Variants in MRAP observed in about 807,000 individuals in gnomAD.
MRAP encodes melanocortin 2 receptor accessory protein, also known as melanocortin-2 receptor accessory protein.
In MRAP, 8 loss-of-function variants were observed where a neutral mutation model predicts 8.7. The observed-to-expected ratio is 0.92, with a 90% CI of 0.54 to 1.66. The LOEUF is 1.66. Among genes scored for constraint, MRAP ranks in the 40% most tolerant of loss-of-function variants. The pLI is 0.00. For synonymous variants in MRAP, 95 were observed against 95.5 expected, an observed-to-expected ratio of 1.00 and a Z score of 0.03; for missense variants, 237 against 217.1, an observed-to-expected ratio of 1.09 and a Z score of -0.58.
In MRAP at chr21:32,306,742, G is replaced by A; in HGVS notation, c.206+3G>A. On this transcript the variant is annotated splice_donor_region_variant and intron_variant, in intron 2 of 2. Coordinates refer to ENST00000303645, the MANE Select transcript of MRAP (RefSeq NM_001379228.1). Reference sequence around the variant, plus strand: ...TGGTCCGCCTCCCCGCAGATGAGGTGGGTAAGAAGGGGTGTGAGTCTGTGG... The same window carrying A: ...TGGTCCGCCTCCCCGCAGATGAGGTAGGTAAGAAGGGGTGTGAGTCTGTGG... The A allele has an allele frequency of 2.5e-6, 4 of 1,612,348 alleles. No individual in the cohort carries two copies. The highest frequency in any genetic ancestry group is 3.4e-6 in the Non-Finnish European group (4 of 1,178,384).
At chr21:32,314,527 A>G (rs1568804520), downstream of MRAP, 1 of 1,604,378 alleles carries the variant, frequency 6.2e-7, no homozygotes, top group Non-Finnish European at 8.5e-7. Context: ...CATAAAAAAA[A>G]TCTGATACCT....
At chr21:32,298,704 C>T (rs2032187345), upstream of MRAP, 1 of 429,816 alleles carries the variant, frequency 2.3e-6, no homozygotes, top group Admixed American at 3.5e-5. Flanking sequence ...AAGCCGTTCT[C>T]CTGCCTCTCT....
At chr21:32,304,875 A>G (rs2032370442) in intron 1 of MRAP, among the ~76,000 whole-genome samples, 1 of 151,674 alleles carries the variant, frequency 6.6e-6, no homozygotes, top group Non-Finnish European at 1.5e-5. Context: ...GTTGCTGATG[A>G]ATTACAAGGC....
intron 1 of MRAP, among the ~76,000 whole-genome samples, chr21:32,299,686 C>A (rs2032213502): frequency 6.6e-6 from 1 of 152,172 alleles, no homozygotes; most frequent in African/African-American, 2.4e-5. Flanking sequence ...CTCCAATAAG[C>A]TGAGCGAGTT....
intron 1 of MRAP, among the ~76,000 whole-genome samples, chr21:32,300,670 G>A (rs1249727042): frequency 2.9e-4 from 43 of 148,324 alleles, no homozygotes; most frequent in Non-Finnish European, 5.2e-4. Flanking sequence ...CACGTCCTAT[G>A]TCGGATGTGT....
Position 32,311,876 on chromosome 21 carries a change from C to T in MRAP, c.399C>T (p.Leu133=), listed in dbSNP as rs748116900. The change falls in exon 3 of 3, where the codon CTC becomes CTT. Residue 133 remains leucine, a synonymous_variant. Transcript: ENST00000303645. The part of the protein sequence containing the change: ...LRQESSSTLP[L]GGFQTHPTLL... ...AGGAGAGCTCCTCCACCTTGCCCCT[C>T]GGGGGTTTCCAGACCCACCCCACTC... 9.3e-6 allele frequency: 15 copies of T among 1,613,964 alleles called. No individual in the cohort carries two copies. The East Asian group carries it at 1.3e-4, about 14-fold the overall frequency.
At chr21:32,314,701 C>T, downstream of MRAP, 1 of 1,574,312 alleles carries the variant, frequency 6.4e-7, no homozygotes, top group Non-Finnish European at 8.7e-7. Context: ...ACATTCCTTG[C>T]AACTCTGATG....
chr21:32,310,911 C>T (rs1308715997), intron 2 of MRAP: 1 of 152,262 alleles, frequency 6.6e-6, no homozygotes, highest in Non-Finnish European at 1.5e-5. Flanking sequence ...TCCCAAAGTG[C>T]TAGGATTACA....
Position 32,312,022 on chromosome 21 carries a change from AG to A in MRAP, c.*27del. The A allele has an allele frequency of 6.2e-7, 1 of 1,612,562 alleles. No homozygotes were observed. The highest frequency in any genetic ancestry group is 8.5e-7 in the Non-Finnish European group (1 of 1,180,020). ...TGTCAGTAAATCGTGGCCATAGCTG[AG>A]TGAACTGGTGAAATCAAGCCAACCT... On this transcript the variant is annotated 3_prime_UTR_variant, in exon 3 of 3. Transcript: ENST00000303645.
downstream of MRAP, chr21:32,313,496 G>A (rs1182339122): frequency 6.6e-6 from 1 of 152,206 alleles, no homozygotes. Context: ...GGGTAGGGAA[G>A]GGGACAAGTG....
intron 1 of MRAP, among the ~76,000 whole-genome samples, chr21:32,304,399 G>T (rs745528318): frequency 3.4e-4 from 51 of 152,086 alleles, no homozygotes; most frequent in Non-Finnish European, 6.5e-4. Flanking sequence ...GGTGGATCAT[G>T]AGGTCAGGAG....
At chr21:32,311,627 G>A in intron 2 of MRAP, 57 bp from the exon 3 acceptor site, 2 of 1,593,678 alleles carry the variant, frequency 1.3e-6, no homozygotes, top group Non-Finnish European at 1.7e-6. Context: ...CAGCCCCACA[G>A]TATGGACTGT....
intron 1 of MRAP, among the ~76,000 whole-genome samples, chr21:32,300,671 T>C (rs1197294047): frequency 6.7e-6 from 1 of 148,486 alleles, no homozygotes; most frequent in Non-Finnish European, 1.5e-5. Context: ...ACGTCCTATG[T>C]CGGATGTGTC....
chr21:32,297,794 T>C (rs2032167542), upstream of MRAP, among the ~76,000 whole-genome samples: 1 of 152,222 alleles, frequency 6.6e-6, no homozygotes, highest in African/African-American at 2.4e-5. Flanking sequence ...GTAGATATTT[T>C]GCCCCTCACT....
At chr21:32,306,787 G>T in intron 2 of MRAP, 48 bp downstream of exon 2, 1 of 1,380,216 alleles carries the variant, frequency 7.2e-7, no homozygotes, top group Non-Finnish European at 1.0e-6. Context: ...ACGCTCTCCA[G>T]TGAGTAACAG....
At chr21:32,303,949 C>T (rs1043683725) in intron 1 of MRAP, among the ~76,000 whole-genome samples, 4 of 152,144 alleles carry the variant, frequency 2.6e-5, no homozygotes, top group South Asian at 2.1e-4. Context: ...GAAGACACTG[C>T]GTTCTGTGAA....
At chr21:32,314,431 C>T (rs1007601819), downstream of MRAP, 13 of 845,310 alleles carry the variant, frequency 1.5e-5, no homozygotes, top group Non-Finnish European at 2.2e-5. Context: ...GTGATTCACC[C>T]GCCTTGGCCT....
In MRAP at chr21:32,306,438, G is replaced by GA. The variant is rs200820016; in HGVS notation, c.107-197dup. 4.2e-3 allele frequency: 2,639 copies of GA among 635,866 alleles called. 13 individuals carry two copies. The highest frequency in any genetic ancestry group is 0.011 in the Middle Eastern group (27 of 2,372). 39.4% of individuals were successfully genotyped at this position (635,866 alleles called of 1,614,324 possible). ...AGACCCCGTGGCCAGCTGCCCTGAGGAAAAAGACACTTCTTGGCTCCCCTG... is the reference window on the plus strand; with the variant it reads ...AGACCCCGTGGCCAGCTGCCCTGAGGAAAAAAGACACTTCTTGGCTCCCCTG... On this transcript the variant is annotated intron_variant, in intron 1 of 2. Coordinates refer to ENST00000303645, the MANE Select transcript of MRAP (RefSeq NM_001379228.1).
chr21:32,313,705 T>C (rs1183923037), downstream of MRAP: 1 of 152,200 alleles, frequency 6.6e-6, no homozygotes, highest in Non-Finnish European at 1.5e-5. Flanking sequence ...ATGTACATTA[T>C]ACGGCAGATA....
Sources: allele counts gnomAD v4.1 joint callset (sites outside exome capture counted in the v4.1 genomes callset), GRCh38; gene constraint gnomAD v4.1.1; transcripts MANE v1.5; gene names NCBI Gene and HGNC (gene_info 2026-07-23, HGNC 2026-07-21).